Variants in SYNPO2L observed in about 807,000 individuals in gnomAD.
The protein encoded by SYNPO2L is synaptopodin 2-like protein.
Under a neutral mutation model 47.5 loss-of-function variants are expected in SYNPO2L, and 34 were observed. The ratio of observed to expected loss-of-function variants is 0.72; its 90% confidence interval spans 0.54 to 0.95. The LOEUF (loss-of-function observed/expected upper bound fraction) is 0.95. Among genes scored for constraint, SYNPO2L ranks in the 40% least tolerant of loss-of-function variants. The pLI is 0.00. For synonymous variants in SYNPO2L, 536 were observed against 524.9 expected (o/e 1.02, Z -0.29); for missense variants, 1,246 against 1,282.0 (o/e 0.97, Z 0.43).
chr10:73,655,839 C>T lies in SYNPO2L; in HGVS notation c.84G>A (p.Arg28=), dbSNP rs267602577. The part of the protein sequence containing the change: ...GFRLHGGAEQ[R]KPLQVSKIRR... ...TTACCTTAGACACCTGTAACGGTTT[C>T]CTCTGCTCGGCCCCCCCATGAAGTC... Residue 28 remains arginine (R), a synonymous_variant, in exon 1 of 4, where the codon AGG becomes AGA. Coordinates refer to ENST00000394810, the MANE Select transcript of SYNPO2L (RefSeq NM_001114133.3). The T allele has an allele frequency of 6.4e-7, 1 of 1,550,694 alleles. No homozygotes were observed. The highest frequency in any genetic ancestry group is 1.2e-5 in the South Asian group (1 of 84,016).
Position 73,647,149 on chromosome 10 carries a change from C to T in SYNPO2L, c.2503G>A (p.Gly835Arg). Reference sequence around the variant, plus strand: ...CCCTGCTTGGGTGTTGCCCGAGGCCCCTGGGATTGGGCCTTAGGGAGAGTT... The same window carrying T: ...CCCTGCTTGGGTGTTGCCCGAGGCCTCTGGGATTGGGCCTTAGGGAGAGTT... ...ARTLPKAQSQ[G>R]PRATPKQGIK... is the part of the protein sequence containing the mutation. Residue 835 changes from glycine to arginine, a missense_variant, in exon 4 of 4, where the codon GGG becomes AGG. Gly to Arg is a moderately radical substitution (Grantham distance 125). Transcript: ENST00000394810. The T allele has an allele frequency of 1.2e-6, 2 of 1,613,922 alleles. No homozygotes were observed. The highest frequency in any genetic ancestry group is 1.7e-6 in the Non-Finnish European group (2 of 1,179,958).
chr10:73,653,780 G>T, intron 2 of SYNPO2L, 127 bp from the exon 3 acceptor site: 2 of 1,283,120 alleles, frequency 1.6e-6, no homozygotes, highest in Non-Finnish European at 2.1e-6. Flanking sequence ...CTGTCATACA[G>T]TTGGAATGGG....
In SYNPO2L at chr10:73,647,266, G is replaced by T; in HGVS notation, c.2386C>A (p.Pro796Thr). The T allele has an allele frequency of 5.0e-6, 8 of 1,614,106 alleles. No homozygotes were observed. The highest frequency in any genetic ancestry group is 5.9e-6 in the Non-Finnish European group (7 of 1,180,012). Residue 796 changes from proline (P) to threonine (T), a missense_variant, in exon 4 of 4, where the codon CCC becomes ACC. By Grantham distance (38) the Pro-to-Thr change is conservative. Around this residue, in one of 3 missense-constraint regions of SYNPO2L, gnomAD observed 1,037 missense variants for 1,021.5 expected, o/e 1.02. Transcript: ENST00000394810. ...PRSPSPTPSL[P>T]PSWKYSPNIR... ...TTGGGTGAATATTTCCAGGAAGGGGGCAGAGACGGGGTAGGAGAAGGACTT... is the reference window on the plus strand; with the variant it reads ...TTGGGTGAATATTTCCAGGAAGGGGTCAGAGACGGGGTAGGAGAAGGACTT...
chr10:73,648,903 G>A (rs1291626143), intron 3 of SYNPO2L, 24 bp from the exon 4 acceptor site: 6 of 1,484,844 alleles, frequency 4.0e-6, no homozygotes, highest in East Asian at 4.6e-5. Flanking sequence ...GAGGTAAAAT[G>A]GTCAGGGGGG....
In SYNPO2L at chr10:73,646,261, G is replaced by T; in HGVS notation, c.*457C>A. ...GTCAAGCTTGGGAAAGCAGAGTGGG[G>T]GGTGGGGGTGGCTTAGTGCAAACAG... On this transcript the variant is annotated 3_prime_UTR_variant, in exon 4 of 4. Transcript: ENST00000394810. 1 of 993,054 alleles carries T rather than the reference G, an allele frequency of 1.0e-6. No individual in the cohort carries two copies. Among genetic ancestry groups the T allele is most frequent in the Non-Finnish European group, 1.2e-6 (1 of 835,806 alleles). The allele number at this position is 993,054 out of a possible 1,614,324, so 61.5% of individuals were successfully genotyped here.
intron 3 of SYNPO2L, chr10:73,650,990 G>A (rs965381957): frequency 5.0e-6 from 8 of 1,613,404 alleles, no homozygotes; most frequent in Non-Finnish European, 5.9e-6. Context: ...CTTGGCTGAT[G>A]GGCTCAAAGG....
chr10:73,647,860 C>T lies in SYNPO2L; in HGVS notation c.1792G>A (p.Ala598Thr). 1.3e-6 allele frequency: 2 copies of T among 1,541,010 alleles called. No individual in the cohort carries two copies. Among genetic ancestry groups the T allele is most frequent in the Non-Finnish European group, 1.7e-6 (2 of 1,148,004 alleles). Residue 598 changes from alanine to threonine, a missense_variant, in exon 4 of 4, where the codon GCC (alanine) becomes ACC (threonine). Coordinates refer to ENST00000394810, the MANE Select transcript of SYNPO2L (RefSeq NM_001114133.3). ...LRPSARPEAP[A>T]PGPGAPEPPS... ...GGCTCAGGAGCCCCTGGGCCTGGGG[C>T]AGGCGCCTCTGGGCGCGCAGAGGGT...
rs575586438 is a variant in SYNPO2L, at chr10:73,654,030, G to C, written c.257+99C>G. ...AGCAGAAACGCACGAGCAGAAATAG[G>C]TACCTGTTAGTTGCTAAAGCCAGGC... On this transcript the variant is annotated intron_variant, in intron 2 of 3. Coordinates refer to ENST00000394810, the MANE Select transcript of SYNPO2L (RefSeq NM_001114133.3). The C allele has an allele frequency of 2.7e-5, 38 of 1,422,950 alleles. No homozygotes were observed. The South Asian group carries it at 4.2e-4, about 16-fold the overall frequency. The allele number at this position is 1,422,950 out of a possible 1,614,324, so 88.1% of individuals were successfully genotyped here.
In SYNPO2L at chr10:73,655,937, T is replaced by A; in HGVS notation, c.-15A>T. The A allele has an allele frequency of 6.5e-7, 1 of 1,546,296 alleles. No individual in the cohort carries two copies. The highest frequency in any genetic ancestry group is 8.7e-7 in the Non-Finnish European group (1 of 1,144,296). ...TCAGCACCCATCGCTCAGCTTGGCC[T>A]ATGGCCCCCGGAGTTTGAACAGTGT... is the stretch of plus-strand genomic sequence containing the variant. On this transcript the variant is annotated 5_prime_UTR_variant, in exon 1 of 4. Coordinates refer to ENST00000394810, the MANE Select transcript of SYNPO2L (RefSeq NM_001114133.3).
chr10:73,645,306 A>C lies in SYNPO2L; in HGVS notation c.*1412T>G. 1.8e-6 allele frequency: 2 copies of C among 1,084,264 alleles called. No homozygotes were observed. The highest frequency in any genetic ancestry group is 2.3e-6 in the Non-Finnish European group (2 of 886,186). The allele number at this position is 1,084,264 out of a possible 1,614,324, so 67.2% of individuals were successfully genotyped here. A position where few individuals can be genotyped will look rare whatever the true frequency, so the allele number is the denominator to read the frequency against. ...AATTTTTTTCCAATCCCCCTCTCAC[A>C]CACGGTTGGTTTCTTGTTACTCAAC... is the stretch of plus-strand genomic sequence containing the variant. On this transcript the variant is annotated 3_prime_UTR_variant, in exon 4 of 4. Transcript: ENST00000394810.
At chr10:73,653,026 C>T in intron 3 of SYNPO2L, 113 bp downstream of exon 3, 1 of 1,305,008 alleles carries the variant, frequency 7.7e-7, no homozygotes, top group Non-Finnish European at 1.0e-6. Flanking sequence ...CCCTCCTGTC[C>T]CCAAGACTGT....
Position 73,650,725 on chromosome 10 carries a change from T to G in SYNPO2L, c.773-1846A>C, listed in dbSNP as rs1053279084. 1.2e-5 allele frequency: 12 copies of G among 985,344 alleles called. No homozygotes were observed. In the African/African-American group the frequency reaches 2.1e-4, roughly 17 times the overall value. 61.0% of individuals were successfully genotyped at this position (985,344 alleles called of 1,614,324 possible). ...TACAGCTCTTGTGGTCAGAAACCCC[T>G]TTGACATGTGACCACAGCATCACTG... On this transcript the variant is annotated intron_variant, in intron 3 of 3. Coordinates refer to ENST00000394810, the MANE Select transcript of SYNPO2L (RefSeq NM_001114133.3).
Position 73,645,541 on chromosome 10 carries a change from T to C in SYNPO2L, c.*1177A>G, listed in dbSNP as rs1472827367. The C allele has an allele frequency of 5.0e-6, 5 of 994,222 alleles. No individual in the cohort carries two copies. In the African/African-American group the frequency reaches 7.0e-5, roughly 14 times the overall value. 61.6% of individuals were successfully genotyped at this position (994,222 alleles called of 1,614,324 possible). ...TTTCTTTTTTTCATTTCCTGGGTAC[T>C]GGGTTGCTCAGCACTGGCCTCTCAA... On this transcript the variant is annotated 3_prime_UTR_variant, in exon 4 of 4. Coordinates refer to ENST00000394810, the MANE Select transcript of SYNPO2L (RefSeq NM_001114133.3).
chr10:73,648,895 G>A lies in SYNPO2L; in HGVS notation c.773-16C>T. 6.7e-7 allele frequency: 1 copy of A among 1,492,192 alleles called. No homozygotes were observed. The highest frequency in any genetic ancestry group is 8.9e-7 in the Non-Finnish European group (1 of 1,126,492). The allele number at this position is 1,492,192 out of a possible 1,614,324, so 92.4% of individuals were successfully genotyped here. A position where few individuals can be genotyped will look rare whatever the true frequency, so the allele number is the denominator to read the frequency against. ...CGTTGCAGTTCTGGGGAGGCCAAGA[G>A]GTAAAATGGTCAGGGGGGCTTCCCA... is the stretch of plus-strand genomic sequence containing the variant. On this transcript the variant is annotated splice_polypyrimidine_tract_variant and intron_variant, in intron 3 of 3. Transcript: ENST00000394810.
At chr10:73,655,746 C>G in intron 1 of SYNPO2L, 72 bp downstream of exon 1, 1 of 633,196 alleles carries the variant, frequency 1.6e-6, no homozygotes. Context: ...CGCCATATGC[C>G]ACCACACATC....
In SYNPO2L at chr10:73,647,510, C is replaced by T; in HGVS notation, c.2142G>A (p.Pro714=). The T allele has an allele frequency of 8.4e-6, 13 of 1,540,042 alleles. No homozygotes were observed. Among genetic ancestry groups the T allele is most frequent in the Non-Finnish European group, 1.1e-5 (13 of 1,138,572 alleles). Reference sequence around the variant, plus strand: ...GTGGAGTCTTAGGAGTCATAGGGGGCGGGGTCTTGGGAGCCATTGGAGGGG... The same window carrying T: ...GTGGAGTCTTAGGAGTCATAGGGGGTGGGGTCTTGGGAGCCATTGGAGGGG... ...KTPPPMAPKT[P]PPMTPKTPPP... is the part of the protein sequence containing the mutation. Residue 714 remains proline, a synonymous_variant, in exon 4 of 4, where the codon CCG becomes CCA. Coordinates refer to ENST00000394810, the MANE Select transcript of SYNPO2L (RefSeq NM_001114133.3).
chr10:73,654,458 A>G (rs562899358), intron 1 of SYNPO2L, among the ~76,000 whole-genome samples, 178 bp from the exon 2 acceptor site: 4 of 152,286 alleles, frequency 2.6e-5, no homozygotes. Context: ...AAGTATACAG[A>G]CTGGAGAAAG....
intron 3 of SYNPO2L, among the ~76,000 whole-genome samples, chr10:73,649,537 G>A (rs1408178321): frequency 1.2e-4 from 19 of 152,138 alleles, no homozygotes; most frequent in Non-Finnish European, 1.2e-4. Context: ...GCCAACTGTA[G>A]GCGTACTTTC....
Position 73,653,308 on chromosome 10 carries a change from G to T in SYNPO2L, c.603C>A (p.Ser201=), listed in dbSNP as rs2081855149. The change falls in exon 3 of 4, where the codon TCC becomes TCA. Residue 201 remains serine (S), a synonymous_variant. Coordinates refer to ENST00000394810, the MANE Select transcript of SYNPO2L (RefSeq NM_001114133.3). The part of the protein sequence containing the change: ...PPSQGDSRVS[S]PSWEDGAALQ... ...GGGCTGCCCCATCCTCCCAAGACGG[G>T]GAGCTCACACGGCTGTCACCCTGGC... is the stretch of plus-strand genomic sequence containing the variant. The T allele has an allele frequency of 1.3e-6, 2 of 1,551,436 alleles. No individual in the cohort carries two copies. The highest frequency in any genetic ancestry group is 1.7e-6 in the Non-Finnish European group (2 of 1,146,956).
Sources: allele counts gnomAD v4.1 joint callset (sites outside exome capture counted in the v4.1 genomes callset), GRCh38; gene constraint gnomAD v4.1.1; regional missense constraint gnomAD v4.1.1; transcripts MANE v1.5; gene names NCBI Gene and HGNC (gene_info 2026-07-23, HGNC 2026-07-21).